Variants in CLYBL observed in about 807,000 individuals in gnomAD.
CLYBL encodes citramalyl-CoA lyase.
Under a neutral mutation model 38.9 loss-of-function variants are expected in CLYBL, and 31 were observed. The observed-to-expected ratio is 0.80, with a 90% CI of 0.60 to 1.08. The LOEUF is 1.08. CLYBL is among the 50% of genes least tolerant of loss of function. CLYBL has a pLI of 0.00. For missense variants in CLYBL, 434 were observed against 411.6 expected, an observed-to-expected ratio of 1.05 and a Z score of -0.47; for synonymous variants, 171 against 158.6, an observed-to-expected ratio of 1.08 and a Z score of -0.59.
intron 1 of CLYBL, among the ~76,000 whole-genome samples, chr13:99,675,508 A>G (rs1383660421): frequency 1.3e-5 from 2 of 152,158 alleles, no homozygotes; most frequent in African/African-American, 4.8e-5. Context: ...CCCTGTTCCC[A>G]TTAGCAGTCA....
intron 2 of CLYBL, among the ~76,000 whole-genome samples, chr13:99,808,873 C>T (rs142680653): frequency 3.8e-4 from 58 of 152,294 alleles, no homozygotes; most frequent in African/African-American, 1.4e-3. Context: ...CAGCTCTGAT[C>T]CTGGTCCTTC....
intron 1 of CLYBL, chr13:99,726,510 T>C (rs927082629): frequency 3.9e-5 from 6 of 152,172 alleles, no homozygotes; most frequent in African/African-American, 1.4e-4. Context: ...TTCCCCAGAC[T>C]TAAAACTGGA....
intron 1 of CLYBL, among the ~76,000 whole-genome samples, chr13:99,765,669 G>A (rs988978282): frequency 6.6e-6 from 1 of 151,722 alleles, no homozygotes. Flanking sequence ...TCAGCCTCCC[G>A]AGTAACTGGG....
intron 7 of CLYBL, chr13:99,884,891 A>T: frequency 2.2e-6 from 1 of 446,236 alleles, no homozygotes; most frequent in East Asian, 7.0e-5. Context: ...TTGCCCAGAC[A>T]ACTACAGTCC....
chr13:99,632,294 AGAT>A (rs2139237374), intron 1 of CLYBL, among the ~76,000 whole-genome samples: 2 of 152,378 alleles, frequency 1.3e-5, no homozygotes, highest in Non-Finnish European at 2.9e-5. Context: ...AACTAAGCAA[AGAT>A]CTTGGCCACT....
intron 1 of CLYBL, among the ~76,000 whole-genome samples, chr13:99,770,080 C>CTTTTTTT (rs3033589): frequency 1.6e-4 from 17 of 103,176 alleles, no homozygotes; most frequent in Non-Finnish European, 2.7e-4. Flanking sequence ...TCTTTTCTTT[C>CTTTTTTT]TTTTTTTTTT....
chr13:99,820,931 A>T (rs999631), intron 2 of CLYBL, among the ~76,000 whole-genome samples: 10,044 of 152,276 alleles, frequency 0.066, 708 homozygotes, highest in South Asian at 0.18. Flanking sequence ...TACATGTTTA[A>T]TATGGCAGAG....
chr13:99,740,631 T>C (rs1375482286), intron 1 of CLYBL, among the ~76,000 whole-genome samples: 2 of 152,238 alleles, frequency 1.3e-5, no homozygotes, highest in Non-Finnish European at 2.9e-5. Flanking sequence ...CTTAACGAGC[T>C]GGAAAGTCCA....
chr13:99,866,345 A>G lies in CLYBL; in HGVS notation c.740A>G (p.Asp247Gly). Reference protein sequence around the residue: ...GLQAIDLVYIDFRDGAGLLRQ... With the variant: ...GLQAIDLVYIGFRDGAGLLRQ... ...CAAGCCATAGATCTGGTGTACATTG[A>G]CTTTCGAGATGGAGCTGGGCTGCTT... The change falls in exon 6 of 9, where the codon GAC (aspartate) becomes GGC (glycine). Residue 247 changes from aspartate to glycine, a missense_variant. By Grantham distance (94) the Asp-to-Gly change is moderately conservative (BLOSUM62 -1). Transcript: ENST00000339105. The G allele has an allele frequency of 1.2e-6, 2 of 1,614,106 alleles. No individual in the cohort carries two copies. The highest frequency in any genetic ancestry group is 1.7e-6 in the Non-Finnish European group (2 of 1,180,024).
At chr13:99,626,194 G>A (rs912531440) in intron 1 of CLYBL, among the ~76,000 whole-genome samples, 2 of 152,242 alleles carry the variant, frequency 1.3e-5, no homozygotes, top group African/African-American at 4.8e-5. Flanking sequence ...ATCATTCCCA[G>A]GGAAGCTGCC....
At chr13:99,805,199 T>C (rs539246341) in intron 2 of CLYBL, among the ~76,000 whole-genome samples, 7 of 152,302 alleles carry the variant, frequency 4.6e-5, no homozygotes, top group African/African-American at 1.7e-4. Flanking sequence ...CTTTCGGCTG[T>C]TGTAAATATT....
intron 1 of CLYBL, among the ~76,000 whole-genome samples, chr13:99,771,226 C>T (rs1424935953): frequency 6.6e-6 from 1 of 151,892 alleles, no homozygotes; most frequent in South Asian, 2.1e-4. Flanking sequence ...AGTTTTTTTC[C>T]TGATAGAGCC....
At chr13:99,812,089 G>T (rs1362144322) in intron 2 of CLYBL, among the ~76,000 whole-genome samples, 1 of 152,214 alleles carries the variant, frequency 6.6e-6, no homozygotes, top group African/African-American at 2.4e-5. Flanking sequence ...CTAAACTGCT[G>T]TGAGACTGAG....
At chr13:99,868,941 C>T (rs1357660717) in intron 6 of CLYBL, among the ~76,000 whole-genome samples, 4 of 152,024 alleles carry the variant, frequency 2.6e-5, no homozygotes, top group East Asian at 1.9e-4. Flanking sequence ...ATTTAAAGCA[C>T]GATATATCAA....
At chr13:99,691,510 C>G (rs1311128305) in intron 1 of CLYBL, among the ~76,000 whole-genome samples, 1 of 151,906 alleles carries the variant, frequency 6.6e-6, no homozygotes, top group East Asian at 1.9e-4. Context: ...GAAATGGGAC[C>G]CGAAAGACAT....
At chr13:99,638,771 C>A (rs761969442) in intron 1 of CLYBL, among the ~76,000 whole-genome samples, 9 of 152,198 alleles carry the variant, frequency 5.9e-5, no homozygotes, top group Non-Finnish European at 2.9e-5. Context: ...CCTGAGGTAA[C>A]TTAGCATTGA....
At chr13:99,678,433 C>T (rs1363809863) in intron 1 of CLYBL, among the ~76,000 whole-genome samples, 1 of 152,190 alleles carries the variant, frequency 6.6e-6, no homozygotes. Flanking sequence ...CCAAGCTCTG[C>T]TGAAATCTGC....
intron 1 of CLYBL, among the ~76,000 whole-genome samples, chr13:99,653,525 G>T (rs7996792): frequency 0.34 from 52,097 of 152,040 alleles, 9,518 homozygotes; most frequent in African/African-American, 0.47. Context: ...CCAGCCTTAT[G>T]ATGATCCAAA....
At chr13:99,880,124 A>G (rs940918508) in intron 7 of CLYBL, among the ~76,000 whole-genome samples, 1 of 145,522 alleles carries the variant, frequency 6.9e-6, no homozygotes, top group Non-Finnish European at 1.5e-5. Flanking sequence ...CTCGAGTACA[A>G]TGGCGGGATC....
Sources: gnomAD v4.1 joint callset for allele counts (sites outside exome capture counted in the v4.1 genomes callset) on GRCh38, gnomAD v4.1.1 for gene constraint, MANE v1.5 for transcripts, NCBI Gene and HGNC (gene_info 2026-07-23, HGNC 2026-07-21) for gene names.